NDUFAF4: variants seen among roughly 807,000 people sequenced by gnomAD.
The protein encoded by NDUFAF4 is NADH:ubiquinone oxidoreductase complex assembly factor 4.
NDUFAF4 carries 10 observed loss-of-function variants against 15.6 expected under a neutral mutation model. The observed-to-expected ratio is 0.64, with a 90% CI of 0.40 to 1.09. The LOEUF (loss-of-function observed/expected upper bound fraction) is 1.09. NDUFAF4 is among the 50% of genes least tolerant of loss of function. NDUFAF4 has a pLI of 0.01. For missense variants in NDUFAF4, 203 were observed against 207.3 expected, an observed-to-expected ratio of 0.98 and a Z score of 0.13; for synonymous variants, 77 against 73.3, an observed-to-expected ratio of 1.05 and a Z score of -0.26.
At chr6:96,896,723 C>A in intron 2 of NDUFAF4, 21 bp downstream of exon 2, 1 of 1,550,230 alleles carries the variant, frequency 6.5e-7, no homozygotes, top group Non-Finnish European at 8.9e-7. Flanking sequence ...TGTGTATTCA[C>A]TTAATTAAAC....
chr6:96,897,101 T>C (rs781660489), intron 1 of NDUFAF4, among the ~76,000 whole-genome samples: 15 of 152,058 alleles, frequency 9.9e-5, no homozygotes, highest in Non-Finnish European at 1.8e-4. Flanking sequence ...ATTTTTGCAT[T>C]GTTTGTAGAG....
In NDUFAF4 at chr6:96,891,133, C is replaced by T; in HGVS notation, c.499G>A (p.Glu167Lys). Residue 167 changes from glutamate to lysine, a missense_variant, in exon 3 of 3, where the codon GAA becomes AAA. Physicochemically the swap from Glu to Lys is moderately conservative, Grantham distance 56. Coordinates refer to ENST00000316149, the MANE Select transcript of NDUFAF4 (RefSeq NM_014165.4). ...VTFEVEIFPP[E>K]DKKAIRSK ...TTTGATCGTATTGCTTTCTTGTCTTCAGGAGGGAAGATTTCGACTTCAAAA... is the reference window on the plus strand; with the variant it reads ...TTTGATCGTATTGCTTTCTTGTCTTTAGGAGGGAAGATTTCGACTTCAAAA... 1 of 1,613,024 alleles carries T rather than the reference C, an allele frequency of 6.2e-7. No homozygotes were observed. Among genetic ancestry groups the T allele is most frequent in the South Asian group, 1.1e-5 (1 of 91,014 alleles).
At chr6:96,892,527 T>C (rs989488016) in intron 2 of NDUFAF4, among the ~76,000 whole-genome samples, 1 of 152,154 alleles carries the variant, frequency 6.6e-6, no homozygotes, top group South Asian at 2.1e-4. Flanking sequence ...TCTCTTCAGG[T>C]AATGTTTAAA....
At chr6:96,896,652 A>G (rs970941222) in intron 2 of NDUFAF4, 92 bp downstream of exon 2, 3 of 1,026,066 alleles carry the variant, frequency 2.9e-6, no homozygotes, top group Non-Finnish European at 4.6e-6. Context: ...ACACTTGCAG[A>G]GCACTCTTTT....
chr6:96,894,297 G>A (rs887321756), intron 2 of NDUFAF4, among the ~76,000 whole-genome samples: 1 of 152,106 alleles, frequency 6.6e-6, no homozygotes, highest in Non-Finnish European at 1.5e-5. Context: ...TAGCCATTCT[G>A]GTTATCAGAC....
At position 96,890,784 on chromosome 6, in the gene NDUFAF4, C is replaced by A; in HGVS notation, c.*320G>T. 2 of 248,698 alleles carry A rather than the reference C, an allele frequency of 8.0e-6. No individual in the cohort carries two copies. The highest frequency in any genetic ancestry group is 1.1e-4 in the East Asian group (1 of 8,954). The allele number at this position is 248,698 out of a possible 1,614,324, so 15.4% of individuals were successfully genotyped here. On this transcript the variant is annotated 3_prime_UTR_variant, in exon 3 of 3. Transcript: ENST00000316149. ...CTCAGTTGAGGGATTCAGGACATTT[C>A]CCAAGGGGTAATATGACCAATTTAA...
chr6:96,896,819 A>T lies in NDUFAF4; in HGVS notation c.165T>A (p.Ala55=). The stretch of plus-strand genomic sequence containing the variant: ...ACGACAGCAGCTTTTCATCTTTACG[A>T]GCAATCTCTCCTTTAACTTCTGGAT... ...SLYPEVKGEI[A]RKDEKLLSFL... The change falls in exon 2 of 3, where the codon GCT becomes GCA. Residue 55 remains alanine (A), a synonymous_variant. Coordinates refer to ENST00000316149, the MANE Select transcript of NDUFAF4 (RefSeq NM_014165.4). 1 of 1,613,894 alleles carries T rather than the reference A, an allele frequency of 6.2e-7. No individual in the cohort carries two copies. The highest frequency in any genetic ancestry group is 8.5e-7 in the Non-Finnish European group (1 of 1,179,870).
intron 2 of NDUFAF4, among the ~76,000 whole-genome samples, chr6:96,895,135 A>T (rs1775356068): frequency 6.6e-6 from 1 of 152,198 alleles, no homozygotes; most frequent in Non-Finnish European, 1.5e-5. Flanking sequence ...GTTTGAAAAG[A>T]GGTTCAACTG....
At position 96,889,457 on chromosome 6, in the gene NDUFAF4, G is replaced by T. The variant is rs778286977; in HGVS notation, c.*1647C>A. 3 of 152,158 alleles carry T rather than the reference G, an allele frequency of 2.0e-5. No individual in the cohort carries two copies. The highest frequency in any genetic ancestry group is 4.4e-5 in the Non-Finnish European group (3 of 68,014). 9.4% of individuals were successfully genotyped at this position (152,158 alleles called of 1,614,324 possible). A position where few individuals can be genotyped will look rare whatever the true frequency, so the allele number is the denominator to read the frequency against. ...CAGCTAGTGACCATTATGATAAAAA[G>T]AATAAAGTTTTGACTTATTTACAGT... is the stretch of plus-strand genomic sequence containing the variant. On this transcript the variant is annotated 3_prime_UTR_variant, in exon 3 of 3. Coordinates refer to ENST00000316149, the MANE Select transcript of NDUFAF4 (RefSeq NM_014165.4).
Position 96,891,126 on chromosome 6 carries a change from T to C in NDUFAF4, c.506A>G (p.Lys169Arg). ...FEVEIFPPED[K>R]KAIRSK is the part of the protein sequence containing the mutation. ...TCTTCATTTTGATCGTATTGCTTTC[T>C]TGTCTTCAGGAGGGAAGATTTCGAC... Residue 169 changes from lysine to arginine, a missense_variant, in exon 3 of 3, where the codon AAG (lysine) becomes AGG (arginine). Physicochemically the swap from Lys to Arg is conservative, Grantham distance 26. Transcript: ENST00000316149. The C allele has an allele frequency of 1.2e-6, 2 of 1,613,074 alleles. No individual in the cohort carries two copies. The highest frequency in any genetic ancestry group is 1.1e-5 in the South Asian group (1 of 91,014).
At chr6:96,897,519 C>T in intron 1 of NDUFAF4, 147 bp downstream of exon 1, 3 of 1,199,252 alleles carry the variant, frequency 2.5e-6, no homozygotes, top group Non-Finnish European at 3.5e-6. Flanking sequence ...GGCCTGGCGG[C>T]TCCCCCTTCC....
At position 96,896,665 on chromosome 6, in the gene NDUFAF4, C is replaced by T. The variant is rs546864032; in HGVS notation, c.240+79G>A. ...ACACACTTGCAGAGCACTCTTTTTA[C>T]TACTTGCCACACTTAATCATTTTCC... On this transcript the variant is annotated intron_variant, in intron 2 of 2. Transcript: ENST00000316149. The T allele has an allele frequency of 2.3e-4, 274 of 1,173,570 alleles. 1 individual carries two copies. Among genetic ancestry groups the T allele is most frequent in the Admixed American group, 8.4e-4 (50 of 59,266 alleles). The allele number at this position is 1,173,570 out of a possible 1,614,324, so 72.7% of individuals were successfully genotyped here.
chr6:96,897,602 G>A (rs1775402836), intron 1 of NDUFAF4, 64 bp downstream of exon 1: 3 of 1,607,068 alleles, frequency 1.9e-6, no homozygotes, highest in Non-Finnish European at 2.5e-6. Context: ...ACCCACGCTA[G>A]GGACAGCCGG....
At chr6:96,895,303 T>G (rs13214953) in intron 2 of NDUFAF4, among the ~76,000 whole-genome samples, 5 of 152,068 alleles carry the variant, frequency 3.3e-5, no homozygotes, top group Non-Finnish European at 5.9e-5. Context: ...ACTGAAATAT[T>G]TGACAGAATT....
chr6:96,893,812 C>A (rs1008140756), intron 2 of NDUFAF4, among the ~76,000 whole-genome samples: 12 of 151,494 alleles, frequency 7.9e-5, no homozygotes, highest in Admixed American at 4.6e-4. Flanking sequence ...AAACAAGTAT[C>A]ATTCTATTAT....
In NDUFAF4 at chr6:96,897,832, GC is replaced by G. The variant is rs886061831; in HGVS notation, c.-32del. On this transcript the variant is annotated 5_prime_UTR_variant, in exon 1 of 3. An upstream open reading frame in the 5' UTR loses its in-frame stop. Transcript: ENST00000316149. ...CATAACATTATGCGCTCAGGTTCAG[GC>G]CGCACGTGGGAACACCGGCGCAGGA... The G allele has an allele frequency of 6.2e-7, 1 of 1,613,794 alleles. No individual in the cohort carries two copies. The highest frequency in any genetic ancestry group is 8.5e-7 in the Non-Finnish European group (1 of 1,179,844).
At chr6:96,897,432 G>T (rs529586458) in intron 1 of NDUFAF4, among the ~76,000 whole-genome samples, 1 of 152,328 alleles carries the variant, frequency 6.6e-6, no homozygotes, top group African/African-American at 2.4e-5. Context: ...GGGAGCACTG[G>T]CTGCTGCCTC....
chr6:96,895,338 G>C (rs1013485857), intron 2 of NDUFAF4, among the ~76,000 whole-genome samples: 1 of 152,032 alleles, frequency 6.6e-6, no homozygotes, highest in Admixed American at 6.5e-5. Context: ...TAAAAAGTCA[G>C]ACAACAAATA....
intron 2 of NDUFAF4, among the ~76,000 whole-genome samples, chr6:96,894,203 C>A (rs993233754): frequency 2.0e-5 from 3 of 152,196 alleles, no homozygotes; most frequent in African/African-American, 7.2e-5. Flanking sequence ...CTTACGCTAT[C>A]CATTCCATCC....
Sources: allele counts gnomAD v4.1 joint callset (sites outside exome capture counted in the v4.1 genomes callset), GRCh38; gene constraint gnomAD v4.1.1; transcripts MANE v1.5; gene names NCBI Gene and HGNC (gene_info 2026-07-23, HGNC 2026-07-21).